Variants in PATJ observed in about 807,000 individuals in gnomAD.
PATJ encodes inaD-like protein.
PATJ carries 190 observed loss-of-function variants against 224.9 expected under a neutral mutation model. The observed-to-expected ratio is 0.84, with a 90% CI of 0.75 to 0.95. PATJ has a LOEUF of 0.95. PATJ is among the 40% of genes least tolerant of loss of function. The pLI is 0.00. For missense variants in PATJ, 2,121 were observed against 2,270.3 expected (o/e 0.93, Z 1.34); for synonymous variants, 769 against 820.3 (o/e 0.94, Z 1.07).
rs765679680 is a variant in PATJ at position 61,914,628 on chromosome 1, T to C, written c.3534T>C (p.Gly1178=). ...ATAACAAGGCCAACAAAATCACCGG[T>C]AACCAGAACCAGGACACCCAAGAAA... ...NVHNKANKIT[G]NQNQDTQEKK... The change falls in exon 26 of 44, where the codon GGT becomes GGC. Residue 1178 remains glycine (G), a synonymous_variant. Transcript: ENST00000642238. The C allele has an allele frequency of 1.9e-6, 3 of 1,579,090 alleles. No individual in the cohort carries two copies. Among genetic ancestry groups the C allele is most frequent in the Non-Finnish European group, 2.6e-6 (3 of 1,149,100 alleles).
intron 26 of PATJ, among the ~76,000 whole-genome samples, chr1:61,915,983 C>T (rs991493144): frequency 1.3e-5 from 2 of 152,160 alleles, no homozygotes; most frequent in African/African-American, 4.8e-5. Flanking sequence ...GCATGAGCTG[C>T]TGCGCCTGGC....
chr1:61,747,699 G>T (rs1267802124), intron 1 of PATJ, among the ~76,000 whole-genome samples: 1 of 152,134 alleles, frequency 6.6e-6, no homozygotes, highest in African/African-American at 2.4e-5. Context: ...AACTGATGAA[G>T]TCTTTCCTAA....
At chr1:62,092,718 A>C (rs1051275326) in intron 33 of PATJ, among the ~76,000 whole-genome samples, 46 of 151,386 alleles carry the variant, frequency 3.0e-4, no homozygotes, top group African/African-American at 1.1e-3. Context: ...ACCTGGCAAG[A>C]AAACGACTTT....
chr1:61,985,541 CTTTTT>C (rs1289024872), intron 27 of PATJ, among the ~76,000 whole-genome samples: 1 of 151,986 alleles, frequency 6.6e-6, no homozygotes, highest in Admixed American at 6.6e-5. Context: ...ATCTCCAGAA[CTTTTT>C]TATTTTCTCA....
At chr1:61,756,563 C>CTT (rs370667808) in intron 1 of PATJ, among the ~76,000 whole-genome samples, 15,780 of 65,540 alleles carry the variant, frequency 0.24, 1,580 homozygotes, top group East Asian at 0.26. Flanking sequence ...AACCAGGACA[C>CTT]TTTTTTTTTT....
chr1:61,987,882 ATATCC>A (rs1644849147), intron 27 of PATJ, among the ~76,000 whole-genome samples: 2 of 152,190 alleles, frequency 1.3e-5, no homozygotes, highest in Admixed American at 1.3e-4. Context: ...TTTTCTAGCC[ATATCC>A]ATTCTTGGAA....
intron 27 of PATJ, among the ~76,000 whole-genome samples, chr1:61,979,859 C>G (rs1436628486): frequency 6.6e-6 from 1 of 151,974 alleles, no homozygotes; most frequent in Non-Finnish European, 1.5e-5. Flanking sequence ...GAGGAACTTA[C>G]TAACGTCTGC....
chr1:61,949,430 C>T (rs541304416), intron 27 of PATJ, among the ~76,000 whole-genome samples: 40 of 152,022 alleles, frequency 2.6e-4, no homozygotes, highest in Admixed American at 5.3e-4. Context: ...TACTAAAAAT[C>T]ATTGAATTGT....
chr1:62,087,963 C>T (rs1454250073), intron 33 of PATJ, among the ~76,000 whole-genome samples: 1 of 151,134 alleles, frequency 6.6e-6, no homozygotes, highest in Admixed American at 6.6e-5. Flanking sequence ...GCAATCTCGG[C>T]TCACCGCAAC....
Position 61,871,399 on chromosome 1 carries a change from A to ATGTGTACATATATATG in PATJ, c.2836-3838_2836-3837insCATATATATGTGTGTA, listed in dbSNP as rs1666368829. 3.2e-5 allele frequency among the ~76,000 whole-genome samples: 3 copies of ATGTGTACATATATATG among 92,978 alleles called. 1 individual carries two copies. The highest frequency in any genetic ancestry group is 4.4e-5 in the Non-Finnish European group (2 of 45,564). 61.0% of individuals were successfully genotyped at this position (92,978 alleles called of 152,430 possible). A position where few individuals can be genotyped will look rare whatever the true frequency, so the allele number is the denominator to read the frequency against. Reference sequence around the variant, plus strand: ...GATAATTTTTTGTGTATATATATATATGTGTATATATATACATATATATGT... The same window carrying ATGTGTACATATATATG: ...GATAATTTTTTGTGTATATATATATATGTGTACATATATATGTGTGTATATATATACATATATATGT... On this transcript the variant is annotated intron_variant, in intron 20 of 43. Coordinates refer to ENST00000642238, the MANE Select transcript of PATJ (RefSeq NM_001350145.3).
chr1:61,974,220 G>A (rs967181991), intron 27 of PATJ, among the ~76,000 whole-genome samples: 6 of 151,816 alleles, frequency 4.0e-5, no homozygotes, highest in African/African-American at 1.5e-4. Context: ...TTGAGCATGG[G>A]CGCCTATGTG....
At chr1:62,141,118 G>T (rs1667456339) in intron 41 of PATJ, among the ~76,000 whole-genome samples, 1 of 151,924 alleles carries the variant, frequency 6.6e-6, no homozygotes, top group African/African-American at 2.4e-5. Context: ...GCATCTTCTT[G>T]TCCCACTGTC....
intron 30 of PATJ, among the ~76,000 whole-genome samples, chr1:62,039,395 C>T (rs112362564): frequency 6.6e-6 from 1 of 152,070 alleles, no homozygotes; most frequent in Admixed American, 6.5e-5. Context: ...AACAAGTGTT[C>T]AATGAGTGCA....
intron 9 of PATJ, among the ~76,000 whole-genome samples, chr1:61,792,562 G>T (rs908505068): frequency 1.3e-5 from 2 of 151,128 alleles, no homozygotes; most frequent in African/African-American, 4.9e-5. Context: ...GATGAGTCTC[G>T]CTCTGTCGCC....
intron 39 of PATJ, among the ~76,000 whole-genome samples, chr1:62,125,467 A>G (rs1212803990): frequency 6.6e-6 from 1 of 152,078 alleles, no homozygotes; most frequent in Non-Finnish European, 1.5e-5. Context: ...TATTAGCTAC[A>G]GCTTTGACTA....
intron 27 of PATJ, among the ~76,000 whole-genome samples, chr1:61,947,678 T>A (rs1320581110): frequency 6.6e-6 from 1 of 152,206 alleles, no homozygotes; most frequent in Non-Finnish European, 1.5e-5. Flanking sequence ...CCCATGAGGC[T>A]ACCAATGACT....
chr1:61,920,916 G>T (rs552169683), intron 26 of PATJ, among the ~76,000 whole-genome samples: 18 of 152,010 alleles, frequency 1.2e-4, no homozygotes, highest in African/African-American at 4.3e-4. Context: ...ATGTTGGCCA[G>T]GCTGGTCTTG....
At chr1:61,826,436 C>A (rs544644644) in intron 15 of PATJ, among the ~76,000 whole-genome samples, 24 of 152,154 alleles carry the variant, frequency 1.6e-4, no homozygotes, top group Non-Finnish European at 2.9e-4. Flanking sequence ...TCTAAACCCT[C>A]CCAGGAGGGT....
chr1:61,986,770 T>C (rs1644782688), intron 27 of PATJ, among the ~76,000 whole-genome samples: 1 of 152,208 alleles, frequency 6.6e-6, no homozygotes, highest in South Asian at 2.1e-4. Context: ...ATCTTATTAA[T>C]GTTTTCTAAG....
Sources: allele counts gnomAD v4.1 joint callset (sites outside exome capture counted in the v4.1 genomes callset), GRCh38; gene constraint gnomAD v4.1.1; transcripts MANE v1.5; gene names NCBI Gene and HGNC (gene_info 2026-07-23, HGNC 2026-07-21).